UBAP1: variants seen among roughly 807,000 people sequenced by gnomAD.
UBAP1 encodes ubiquitin associated protein 1.
Under a neutral mutation model 39.0 loss-of-function variants are expected in UBAP1, and 5 were observed. That is an observed-to-expected ratio of 0.13 (90% CI 0.07 to 0.27). The LOEUF (loss-of-function observed/expected upper bound fraction) is 0.27, where lower values mean the gene tolerates loss of function less well. Among genes scored for constraint, UBAP1 ranks in the 10% least tolerant of loss-of-function variants. UBAP1 has a pLI of 1.00. For synonymous variants in UBAP1, 211 were observed against 225.1 expected, an observed-to-expected ratio of 0.94 and a Z score of 0.56; for missense variants, 490 against 608.1, an observed-to-expected ratio of 0.81 and a Z score of 2.04.
At chr9:34,182,911 C>T (rs143213641) in intron 1 of UBAP1, among the ~76,000 whole-genome samples, 6,218 of 151,648 alleles carry the variant, frequency 0.041, 172 homozygotes, top group Middle Eastern at 0.076. Flanking sequence ...GGGGTTTCAC[C>T]GTGTTATCCA....
At chr9:34,239,980 T>G (rs879404937) in intron 3 of UBAP1, among the ~76,000 whole-genome samples, 5 of 152,136 alleles carry the variant, frequency 3.3e-5, no homozygotes, top group Non-Finnish European at 7.3e-5. Flanking sequence ...TCAATAAATG[T>G]TTGCTAGAAA....
chr9:34,221,029 A>AGT, intron 2 of UBAP1, 81 bp downstream of exon 2: 1 of 1,292,002 alleles, frequency 7.7e-7, no homozygotes, highest in Non-Finnish European at 1.1e-6. Context: ...TTTAAGTACA[A>AGT]GTGCCCCTTT....
intron 2 of UBAP1, chr9:34,224,187 A>G (rs977862538): frequency 9.1e-6 from 5 of 551,516 alleles, no homozygotes; most frequent in East Asian, 6.2e-5. Context: ...AATTTTTTAG[A>G]TCATTTTTTG....
intron 1 of UBAP1, among the ~76,000 whole-genome samples, chr9:34,213,988 A>G (rs1832160307): frequency 6.6e-6 from 1 of 152,154 alleles, no homozygotes; most frequent in Non-Finnish European, 1.5e-5. Context: ...TCTACAAGGA[A>G]AACTACAAAA....
At chr9:34,217,247 T>C (rs1563904110) in intron 1 of UBAP1, among the ~76,000 whole-genome samples, 1 of 152,060 alleles carries the variant, frequency 6.6e-6, no homozygotes, top group East Asian at 1.9e-4. Context: ...AGGTGATTGT[T>C]GTTACTGTTT....
At chr9:34,195,598 CTTTT>C (rs769647041) in intron 1 of UBAP1, among the ~76,000 whole-genome samples, 1 of 141,534 alleles carries the variant, frequency 7.1e-6, no homozygotes. Flanking sequence ...TTGGATTTTT[CTTTT>C]TTTTTTTTTT....
intron 1 of UBAP1, among the ~76,000 whole-genome samples, chr9:34,180,528 C>T (rs928302127): frequency 6.6e-6 from 1 of 151,404 alleles, no homozygotes; most frequent in East Asian, 1.9e-4. Flanking sequence ...AAAAAGTTTA[C>T]GTATTATGGC....
intron 1 of UBAP1, among the ~76,000 whole-genome samples, chr9:34,205,354 C>T (rs537209245): frequency 6.6e-6 from 1 of 152,186 alleles, no homozygotes; most frequent in Non-Finnish European, 1.5e-5. Flanking sequence ...TGATTTTTAA[C>T]TAGTCATTAC....
rs761388545 is a variant in UBAP1 at position 34,249,773 on chromosome 9, C to T, written c.1084-6C>T. ...TCTTGCCTTAATCTTCTTGTTTTTC[C>T]ACTAGGTCACCCCTCCTAATTTCTC... On this transcript the variant is annotated splice_region_variant and splice_polypyrimidine_tract_variant and intron_variant, in intron 4 of 6. Transcript: ENST00000297661. 1 of 1,612,894 alleles carries T rather than the reference C, an allele frequency of 6.2e-7. No individual in the cohort carries two copies. The highest frequency in any genetic ancestry group is 8.5e-7 in the Non-Finnish European group (1 of 1,179,072).
At chr9:34,233,804 T>C (rs1833549879) in intron 2 of UBAP1, among the ~76,000 whole-genome samples, 1 of 152,072 alleles carries the variant, frequency 6.6e-6, no homozygotes, top group East Asian at 1.9e-4. Context: ...GAGCAAAAAC[T>C]TGAAGGAGTG....
intron 2 of UBAP1, among the ~76,000 whole-genome samples, chr9:34,229,225 A>G (rs1038999199): frequency 2.0e-5 from 3 of 151,844 alleles, no homozygotes; most frequent in African/African-American, 7.3e-5. Flanking sequence ...CGTGAAAGGT[A>G]GGCAAGGAGA....
chr9:34,195,841 C>T (rs1431685870), intron 1 of UBAP1, among the ~76,000 whole-genome samples: 3 of 150,834 alleles, frequency 2.0e-5, no homozygotes, highest in Non-Finnish European at 2.9e-5. Context: ...AGGTGATCCA[C>T]CTGCCTCGGC....
intron 2 of UBAP1, among the ~76,000 whole-genome samples, chr9:34,229,267 T>C (rs1273834621): frequency 6.6e-6 from 1 of 151,952 alleles, no homozygotes; most frequent in African/African-American, 2.4e-5. Context: ...TATCTTTTTT[T>C]TTTTTTTTGA....
At chr9:34,202,127 T>C (rs1831407492) in intron 1 of UBAP1, among the ~76,000 whole-genome samples, 2 of 152,114 alleles carry the variant, frequency 1.3e-5, no homozygotes, top group South Asian at 4.1e-4. Flanking sequence ...GGAAGCTTCA[T>C]GATGTTAGCA....
At chr9:34,247,413 ATC>A (rs1006630019) in intron 4 of UBAP1, among the ~76,000 whole-genome samples, 2 of 152,096 alleles carry the variant, frequency 1.3e-5, no homozygotes, top group African/African-American at 4.8e-5. Context: ...TAATAAATAT[ATC>A]TTTTTTTCTT....
In UBAP1 at chr9:34,242,124, C is replaced by T. The variant is rs758820284; in HGVS notation, c.1083+16C>T. The T allele has an allele frequency of 1.3e-6, 2 of 1,555,976 alleles. No individual in the cohort carries two copies. The highest frequency in any genetic ancestry group is 2.3e-5 in the East Asian group (1 of 44,072). Reference sequence around the variant, plus strand: ...TGGTCCCACGGTAAGTCTTTTAAATCCCCCGCCGACTCCCATATTTTCCTG... The same window carrying T: ...TGGTCCCACGGTAAGTCTTTTAAATTCCCCGCCGACTCCCATATTTTCCTG... On this transcript the variant is annotated intron_variant, in intron 4 of 6. Coordinates refer to ENST00000297661, the MANE Select transcript of UBAP1 (RefSeq NM_016525.5).
At chr9:34,205,063 C>T (rs974979137) in intron 1 of UBAP1, among the ~76,000 whole-genome samples, 1 of 152,062 alleles carries the variant, frequency 6.6e-6, no homozygotes. Context: ...AGAGTGCAGG[C>T]TGGAGTGCAG....
At position 34,189,256 on chromosome 9, in the gene UBAP1, T is replaced by G. The variant is rs143774760; in HGVS notation, c.-8+10016T>G. Among the ~76,000 whole-genome samples, 769 of 151,998 alleles carry G rather than the reference T, an allele frequency of 5.1e-3. 13 individuals are homozygous for G. The highest frequency in any genetic ancestry group is 0.029 in the East Asian group (150 of 5,164). On this transcript the variant is annotated intron_variant, in intron 1 of 6. Coordinates refer to ENST00000297661, the MANE Select transcript of UBAP1 (RefSeq NM_016525.5). ...TAGCTTGGAGTGCAGTGGTGCGATCTTGACTCATTGCAACCTCCTCCTCCA... is the reference window on the plus strand; with the variant it reads ...TAGCTTGGAGTGCAGTGGTGCGATCGTGACTCATTGCAACCTCCTCCTCCA...
At chr9:34,203,819 A>G (rs139407694) in intron 1 of UBAP1, among the ~76,000 whole-genome samples, 1 of 152,268 alleles carries the variant, frequency 6.6e-6, no homozygotes, top group Non-Finnish European at 1.5e-5. Context: ...TTAGGCCTAC[A>G]GTGTTCCCCT....
Sources: allele counts gnomAD v4.1 joint callset (sites outside exome capture counted in the v4.1 genomes callset), GRCh38; gene constraint gnomAD v4.1.1; transcripts MANE v1.5; gene names NCBI Gene and HGNC (gene_info 2026-07-23, HGNC 2026-07-21).